The following FRYL variants were observed in gnomAD, a reference collection of about 807,000 sequenced individuals.
FRYL encodes the protein protein furry homolog-like.
Under a neutral mutation model 351.2 loss-of-function variants are expected in FRYL, and 150 were observed. The observed-to-expected ratio is 0.43, with a 90% CI of 0.37 to 0.49. The LOEUF (loss-of-function observed/expected upper bound fraction) is 0.49, where lower values mean the gene tolerates loss of function less well. Among genes scored for constraint, FRYL ranks in the 20% least tolerant of loss-of-function variants. FRYL has a pLI of 0.00. For synonymous variants in FRYL, 1,153 were observed against 1,257.1 expected, an observed-to-expected ratio of 0.92 and a Z score of 1.75; for missense variants, 3,036 against 3,619.3, an observed-to-expected ratio of 0.84 and a Z score of 4.13.
rs536595888 is a variant in FRYL at position 48,512,528 on chromosome 4, C to T, written c.8098G>A (p.Gly2700Arg). The change falls in exon 57 of 64, where the codon GGG becomes AGG. Residue 2700 changes from glycine to arginine, a missense_variant. Coordinates refer to ENST00000358350, the MANE Select transcript of FRYL (RefSeq NM_015030.2). ...TGAAAAGTAAACACTGCAGAGGACC[C>T]GTCGGTGTCAGACAGCATCTGATTG... ...HVNQMLSDTD[G>R]SSAVFTFHVF... The T allele has an allele frequency of 5.0e-6, 8 of 1,613,960 alleles. No individual in the cohort carries two copies. The highest frequency in any genetic ancestry group is 6.8e-6 in the Non-Finnish European group (8 of 1,179,902).
chr4:48,768,224 T>A (rs1271731727), intron 1 of FRYL, among the ~76,000 whole-genome samples: 1 of 152,142 alleles, frequency 6.6e-6, no homozygotes, highest in African/African-American at 2.4e-5. Flanking sequence ...CTAAGTAGAT[T>A]TACAGATCTC....
intron 59 of FRYL, among the ~76,000 whole-genome samples, chr4:48,507,145 CTTAT>C (rs1201873762): frequency 6.6e-6 from 1 of 152,090 alleles, no homozygotes; most frequent in Non-Finnish European, 1.5e-5. Context: ...TATTTAATGG[CTTAT>C]TTTTATACTG....
intron 3 of FRYL, among the ~76,000 whole-genome samples, chr4:48,645,148 A>C (rs1268216221): frequency 1.1e-5 from 1 of 93,566 alleles, no homozygotes; most frequent in Non-Finnish European, 2.3e-5. Flanking sequence ...ATATATATAT[A>C]TATATATCAG....
rs531217431 is a variant in FRYL at position 48,712,076 on chromosome 4, A to G, written c.-383-1378T>C. Among the ~76,000 whole-genome samples, 18 of 152,318 alleles carry G rather than the reference A, an allele frequency of 1.2e-4. No homozygotes were observed. In the South Asian group the frequency reaches 3.5e-3, roughly 30 times the overall value. ...ACCAAAAACCCATCTGTGCATCACCATCATCAAAGACCAAAAGTAGATAAA... is the reference window on the plus strand; with the variant it reads ...ACCAAAAACCCATCTGTGCATCACCGTCATCAAAGACCAAAAGTAGATAAA... On this transcript the variant is annotated intron_variant, in intron 1 of 63. Transcript: ENST00000358350.
intron 3 of FRYL, among the ~76,000 whole-genome samples, chr4:48,656,140 A>G (rs1437517136): frequency 5.2e-5 from 7 of 135,654 alleles, no homozygotes; most frequent in Non-Finnish European, 1.1e-4. Context: ...TACAATATAT[A>G]CATTATAAAA....
chr4:48,589,885 A>T lies in FRYL; in HGVS notation c.1508-8T>A. The stretch of plus-strand genomic sequence containing the variant: ...GATAGTAAACTGACATTCCTAGGGG[A>T]AAAAACTTCACAGTTATAAAATATC... On this transcript the variant is annotated splice_polypyrimidine_tract_variant and splice_region_variant and intron_variant, in intron 17 of 63. Transcript: ENST00000358350. 6.2e-7 allele frequency: 1 copy of T among 1,602,330 alleles called. No homozygotes were observed. The highest frequency in any genetic ancestry group is 8.5e-7 in the Non-Finnish European group (1 of 1,171,684).
rs759690854 is a variant in FRYL, at chr4:48,553,253, C to A, written c.4397G>T (p.Arg1466Leu). Residue 1466 changes from arginine to leucine, a missense_variant, in exon 36 of 64, where the codon CGC (arginine) becomes CTC (leucine). This residue lies in a region of FRYL where 1,987 missense variants were observed against 2,311.7 expected (regional missense o/e 0.86). Transcript: ENST00000358350. ...AGGGATTTTATAGCTGGAAGTGATGCGATAATACGGGGGATTATCCATGTG... is the reference window on the plus strand; with the variant it reads ...AGGGATTTTATAGCTGGAAGTGATGAGATAATACGGGGGATTATCCATGTG... ...VTHMDNPPYY[R>L]ITSSYKIPSV... The A allele has an allele frequency of 6.2e-7, 1 of 1,612,930 alleles. No homozygotes were observed. The highest frequency in any genetic ancestry group is 8.5e-7 in the Non-Finnish European group (1 of 1,179,620).
Position 48,567,697 on chromosome 4 carries a change from GA to G in FRYL, c.2997-278del, listed in dbSNP as rs1282805824. On this transcript the variant is annotated intron_variant, in intron 27 of 63. Coordinates refer to ENST00000358350, the MANE Select transcript of FRYL (RefSeq NM_015030.2). This position sits in a 1 kb window ranked among gnomAD's most constrained non-coding sequence, Gnocchi z 4.2. ...GTGCTAAATGTTGTTTCCTCTCTGT[GA>G]AACACACAGATTTCTAAATACAGAG... is the stretch of plus-strand genomic sequence containing the variant. Among the ~76,000 whole-genome samples the G allele has an allele frequency of 6.6e-6, 1 of 152,096 alleles. No individual in the cohort carries two copies. Among genetic ancestry groups the G allele is most frequent in the Non-Finnish European group, 1.5e-5 (1 of 68,018 alleles).
chr4:48,556,495 C>G (rs751794199), intron 35 of FRYL, among the ~76,000 whole-genome samples: 3 of 152,200 alleles, frequency 2.0e-5, no homozygotes, highest in Non-Finnish European at 4.4e-5. Context: ...TGAGCTCACA[C>G]TCACCATCCT....
At chr4:48,691,414 A>G (rs1765665591) in intron 2 of FRYL, among the ~76,000 whole-genome samples, 1 of 152,158 alleles carries the variant, frequency 6.6e-6, no homozygotes, top group African/African-American at 2.4e-5. Flanking sequence ...TATATTGACT[A>G]CTTTGCGATA....
intron 16 of FRYL, among the ~76,000 whole-genome samples, chr4:48,592,103 T>TATATATATATATATATATATATATAG (rs1743493687): frequency 2.3e-5 from 1 of 43,218 alleles, no homozygotes; most frequent in Non-Finnish European, 6.5e-5. Flanking sequence ...TATATATATA[T>TATATATATATATATATATATATATAG]ATATATATAT....
At chr4:48,584,627 C>T (rs532934453) in intron 19 of FRYL, among the ~76,000 whole-genome samples, 9 of 152,266 alleles carry the variant, frequency 5.9e-5, no homozygotes, top group African/African-American at 2.2e-4. Flanking sequence ...TCCTTAAATC[C>T]ATGAATATGT....
At chr4:48,647,121 G>C (rs1346673520) in intron 3 of FRYL, among the ~76,000 whole-genome samples, 1 of 152,106 alleles carries the variant, frequency 6.6e-6, no homozygotes, top group Non-Finnish European at 1.5e-5. Context: ...ATTACAGATG[G>C]AGGCTTTGAC....
At chr4:48,538,337 T>A (rs1447297758) in intron 47 of FRYL, among the ~76,000 whole-genome samples, 1 of 151,858 alleles carries the variant, frequency 6.6e-6, no homozygotes, top group Non-Finnish European at 1.5e-5. Flanking sequence ...ATTAAGAATC[T>A]TTCCCTATCT....
intron 1 of FRYL, among the ~76,000 whole-genome samples, chr4:48,717,114 G>A (rs562704023): frequency 8.7e-6 from 1 of 114,792 alleles, no homozygotes; most frequent in East Asian, 3.0e-4. Context: ...ACACTCTGGG[G>A]ACTGTTGTGG....
intron 1 of FRYL, among the ~76,000 whole-genome samples, chr4:48,759,615 T>A (rs1774192197): frequency 6.6e-6 from 1 of 152,098 alleles, no homozygotes. Flanking sequence ...CCTGCCTGAT[T>A]TTTTGAATTT....
intron 1 of FRYL, among the ~76,000 whole-genome samples, chr4:48,747,167 C>CA: frequency 6.6e-6 from 1 of 150,986 alleles, no homozygotes; most frequent in African/African-American, 2.4e-5. Context: ...CCCTATCCCC[C>CA]CCCAAAAAAA....
chr4:48,777,662 T>G (rs2109445257), intron 1 of FRYL, among the ~76,000 whole-genome samples: 1 of 152,352 alleles, frequency 6.6e-6, no homozygotes, highest in Admixed American at 6.5e-5. Flanking sequence ...TCTGAATGTT[T>G]TATTCATATG....
intron 36 of FRYL, among the ~76,000 whole-genome samples, chr4:48,552,341 T>G (rs1490303580): frequency 6.6e-6 from 1 of 151,772 alleles, no homozygotes; most frequent in African/African-American, 2.4e-5. Context: ...GGGAATCTGA[T>G]AAATCTAGGA....
Sources: gnomAD v4.1 joint callset for allele counts (sites outside exome capture counted in the v4.1 genomes callset) on GRCh38, gnomAD v4.1.1 for gene constraint, gnomAD v4.1.1 regional missense constraint, Gnocchi (gnomAD v3.1) non-coding constraint, MANE v1.5 for transcripts, NCBI Gene and HGNC (gene_info 2026-07-23, HGNC 2026-07-21) for gene names.